PCDH15: variants seen among roughly 807,000 people sequenced by gnomAD.
PCDH15 encodes the protein protocadherin related 15, also known as protocadherin-15.
In PCDH15, 129 loss-of-function variants were observed where a neutral mutation model predicts 178.5. The observed-to-expected ratio is 0.72, with a 90% CI of 0.63 to 0.84. The LOEUF (loss-of-function observed/expected upper bound fraction) is 0.84. PCDH15 is among the 40% of genes least tolerant of loss of function. PCDH15 has a pLI of 0.00. For synonymous variants in PCDH15, 800 were observed against 732.0 expected, an observed-to-expected ratio of 1.09 and a Z score of -1.50; for missense variants, 2,230 against 2,099.9, an observed-to-expected ratio of 1.06 and a Z score of -1.21.
intron 2 of PCDH15, among the ~76,000 whole-genome samples, chr10:54,642,967 G>C (rs543954818): frequency 3.3e-5 from 5 of 152,302 alleles, no homozygotes; most frequent in South Asian, 2.1e-4. Context: ...CTCTGTCCCA[G>C]GCTGGAGTGC....
intron 1 of PCDH15, among the ~76,000 whole-genome samples, chr10:55,318,263 G>C (rs966298887): frequency 1.3e-5 from 2 of 152,010 alleles, no homozygotes; most frequent in African/African-American, 2.4e-5. Context: ...TATGTGTTGG[G>C]GGCAGGGGTG....
intron 4 of PCDH15, among the ~76,000 whole-genome samples, chr10:54,372,803 C>T (rs1947867833): frequency 6.6e-6 from 1 of 151,792 alleles, no homozygotes; most frequent in East Asian, 1.9e-4. Flanking sequence ...AACATGCAAG[C>T]TATTCTTTCA....
chr10:54,963,751 C>G (rs1838713741), intron 2 of PCDH15, among the ~76,000 whole-genome samples: 1 of 152,188 alleles, frequency 6.6e-6, no homozygotes, highest in African/African-American at 2.4e-5. Context: ...TCTCTGTACA[C>G]TGTATTCTTT....
chr10:54,941,503 T>C (rs1838062403), intron 2 of PCDH15, among the ~76,000 whole-genome samples: 1 of 152,116 alleles, frequency 6.6e-6, no homozygotes, highest in African/African-American at 2.4e-5. Context: ...TACTGTACTG[T>C]ATGTTGTTAA....
chr10:55,571,966 C>CTA (rs1842414300), intron 2 of PCDH15, among the ~76,000 whole-genome samples: 1 of 151,994 alleles, frequency 6.6e-6, no homozygotes, highest in African/African-American at 2.4e-5. Context: ...ACGTGTCTTG[C>CTA]TATAAACTTC....
In PCDH15 at chr10:54,609,671, T is replaced by C. The variant is rs1028749791; in HGVS notation, c.91+54501A>G. ...GGCTATTAACATCCAGAAAATATAC[T>C]GCCACTGTGGTTGCATTTATTATAA... On this transcript the variant is annotated intron_variant, in intron 2 of 37. Coordinates refer to ENST00000644397, the MANE Select transcript of PCDH15 (RefSeq NM_001384140.1). 2.0e-5 allele frequency among the ~76,000 whole-genome samples: 3 copies of C among 152,136 alleles called. No individual in the cohort carries two copies. The South Asian group carries it at 6.2e-4, about 32-fold the overall frequency.
At chr10:55,092,814 ACAT>A in intron 2 of PCDH15, among the ~76,000 whole-genome samples, 1 of 152,012 alleles carries the variant, frequency 6.6e-6, no homozygotes, top group South Asian at 2.1e-4. Context: ...TTAACAAAAT[ACAT>A]AATCTAGACT....
At chr10:55,495,468 C>T (rs758502669) in intron 2 of PCDH15, among the ~76,000 whole-genome samples, 3 of 151,502 alleles carry the variant, frequency 2.0e-5, no homozygotes, top group African/African-American at 4.8e-5. Context: ...ATAGACATTT[C>T]AACAAAGACC....
intron 3 of PCDH15, among the ~76,000 whole-genome samples, chr10:54,828,199 G>A (rs1953161755): frequency 6.6e-6 from 1 of 151,778 alleles, no homozygotes; most frequent in South Asian, 2.1e-4. Flanking sequence ...CCTTGGCTTG[G>A]ACCCATACTA....
At chr10:55,081,240 T>A (rs1029592561) in intron 2 of PCDH15, among the ~76,000 whole-genome samples, 10 of 152,166 alleles carry the variant, frequency 6.6e-5, no homozygotes, top group African/African-American at 2.2e-4. Context: ...CTCTTTTAGA[T>A]GTTCTAGTTG....
chr10:55,341,797 ATATATATATTTTTTT>A (rs1427909468), intron 2 of PCDH15, among the ~76,000 whole-genome samples: 3 of 11,340 alleles, frequency 2.6e-4, no homozygotes, highest in Non-Finnish European at 5.2e-4. Flanking sequence ...ATATATATAT[ATATATATATTTTTTT>A]TTTTTTTTTT....
At chr10:55,115,585 C>T (rs1485224598) in intron 2 of PCDH15, among the ~76,000 whole-genome samples, 1 of 152,114 alleles carries the variant, frequency 6.6e-6, no homozygotes, top group Non-Finnish European at 1.5e-5. Flanking sequence ...TAAGAGGTTC[C>T]TGCTCCTTGG....
intron 2 of PCDH15, among the ~76,000 whole-genome samples, chr10:55,330,078 A>T (rs1226392452): frequency 6.6e-6 from 1 of 151,854 alleles, no homozygotes; most frequent in African/African-American, 2.4e-5. Context: ...CATATCTCAG[A>T]TATCCTAAAA....
chr10:54,732,273 T>G (rs1943520499), intron 1 of PCDH15, among the ~76,000 whole-genome samples: 1 of 150,828 alleles, frequency 6.6e-6, no homozygotes, highest in Non-Finnish European at 1.5e-5. Flanking sequence ...ATTATTAACC[T>G]CCAGAGAGCC....
chr10:54,756,403 C>T (rs7901149), intron 1 of PCDH15, among the ~76,000 whole-genome samples: 7,434 of 152,002 alleles, frequency 0.049, 608 homozygotes, highest in African/African-American at 0.17. Flanking sequence ...TATGTAAATA[C>T]GGAGAAATAT....
chr10:54,932,226 C>T (rs902221120), intron 2 of PCDH15, among the ~76,000 whole-genome samples: 6 of 152,162 alleles, frequency 3.9e-5, no homozygotes, highest in Non-Finnish European at 7.3e-5. Flanking sequence ...GAGCGCTTCA[C>T]GCATGTCACT....
chr10:55,080,998 G>A (rs1842027222), intron 2 of PCDH15, among the ~76,000 whole-genome samples: 1 of 152,092 alleles, frequency 6.6e-6, no homozygotes, highest in African/African-American at 2.4e-5. Flanking sequence ...CTGGGGGTGG[G>A]GTCACTTTTC....
At chr10:55,202,746 T>A (rs1353530619) in intron 1 of PCDH15, among the ~76,000 whole-genome samples, 2 of 152,114 alleles carry the variant, frequency 1.3e-5, no homozygotes, top group Non-Finnish European at 2.9e-5. Flanking sequence ...ATCATGGGTT[T>A]CCCCCATGCC....
chr10:55,446,121 T>C (rs1839310024), intron 2 of PCDH15, among the ~76,000 whole-genome samples: 1 of 152,014 alleles, frequency 6.6e-6, no homozygotes, highest in Non-Finnish European at 1.5e-5. Context: ...ACTTTTTCAC[T>C]TTTCAGTCTT....
Sources: gnomAD v4.1 joint callset for allele counts (sites outside exome capture counted in the v4.1 genomes callset) on GRCh38, gnomAD v4.1.1 for gene constraint, MANE v1.5 for transcripts, NCBI Gene and HGNC (gene_info 2026-07-23, HGNC 2026-07-21) for gene names.